MOK: variants seen among roughly 807,000 people sequenced by gnomAD.
The protein encoded by MOK is MAPK/MAK/MRK overlapping kinase.
MOK carries 59 observed loss-of-function variants against 54.2 expected under a neutral mutation model. The ratio of observed to expected loss-of-function variants is 1.09; its 90% CI spans 0.88 to 1.35. The LOEUF (loss-of-function observed/expected upper bound fraction) is 1.35. Ranked by LOEUF, MOK falls within the 40% of genes most tolerant of loss-of-function variation. MOK has a pLI of 0.00. For synonymous variants in MOK, 210 were observed against 202.7 expected (o/e 1.04, Z -0.31); for missense variants, 517 against 526.2 (o/e 0.98, Z 0.17).
chr14:102,215,288 G>GT, the MOK span, among the ~76,000 whole-genome samples: 1 of 152,200 alleles, frequency 6.6e-6, no homozygotes. Context: ...GCTGAGCTGT[G>GT]TAGAGGCTTC....
At chr14:102,304,905 C>CCA in intron 1 of MOK, 57 bp downstream of exon 1, 2 of 1,518,678 alleles carry the variant, frequency 1.3e-6, no homozygotes, top group Non-Finnish European at 1.8e-6. Flanking sequence ...TCCCCCAGTC[C>CCA]CTCCCTCCCC....
intron 7 of MOK, among the ~76,000 whole-genome samples, chr14:102,243,069 C>A (rs1168285488): frequency 2.0e-5 from 3 of 152,308 alleles, no homozygotes; most frequent in African/African-American, 7.2e-5. Flanking sequence ...AATTCTTCAT[C>A]AAAACACACA....
intron 1 of MOK, among the ~76,000 whole-genome samples, chr14:102,294,187 C>T (rs375029531): frequency 9.0e-4 from 137 of 151,456 alleles, no homozygotes; most frequent in African/African-American, 3.1e-3. Context: ...TGGCTCATGC[C>T]TGTAATCCCA....
At chr14:102,263,941 C>T (rs372665520) in intron 3 of MOK, 11 of 215,404 alleles carry the variant, frequency 5.1e-5, no homozygotes, top group East Asian at 1.4e-4. Context: ...AGAGGCCAGG[C>T]GTGGTGGCTC....
intron 3 of MOK, chr14:102,264,095 C>A (rs2067689826): frequency 6.5e-6 from 1 of 154,458 alleles, no homozygotes. Context: ...CCTGTAGTCC[C>A]AGCTGCTCGG....
chr14:102,215,636 TG>T, the MOK span, among the ~76,000 whole-genome samples: 1 of 152,172 alleles, frequency 6.6e-6, no homozygotes, highest in South Asian at 2.1e-4. Context: ...CCAGGTAGGC[TG>T]CTTTCAGTAG....
chr14:102,251,559 G>C (rs1246585575), intron 6 of MOK, 197 bp downstream of exon 6: 1 of 656,038 alleles, frequency 1.5e-6, no homozygotes. Flanking sequence ...TTTTCTTCCA[G>C]GTGCAGTCAG....
chr14:102,224,876 A>C (rs2064178805), downstream of MOK: 3 of 444,136 alleles, frequency 6.8e-6, no homozygotes, highest in Non-Finnish European at 1.3e-5. Context: ...ACACATGCAG[A>C]GTGACCTCTG....
intron 7 of MOK, among the ~76,000 whole-genome samples, chr14:102,241,326 C>T (rs2065698729): frequency 6.6e-6 from 1 of 152,182 alleles, no homozygotes; most frequent in Non-Finnish European, 1.5e-5. Flanking sequence ...CTCCACTCCC[C>T]CACCCTATAA....
At chr14:102,294,263 G>A (rs7154641) in intron 1 of MOK, among the ~76,000 whole-genome samples, 5,642 of 152,170 alleles carry the variant, frequency 0.037, 129 homozygotes, top group South Asian at 0.078. Context: ...TGGCTAACAT[G>A]GTGAAACCCC....
chr14:102,290,880 A>G (rs2070698098), intron 1 of MOK, among the ~76,000 whole-genome samples: 1 of 152,196 alleles, frequency 6.6e-6, no homozygotes, highest in Non-Finnish European at 1.5e-5. Context: ...GAGGTGGGGT[A>G]TATGAGAGGG....
downstream of MOK, among the ~76,000 whole-genome samples, chr14:102,228,487 G>A (rs1597215669): frequency 6.6e-6 from 1 of 151,982 alleles, no homozygotes; most frequent in Non-Finnish European, 1.5e-5. Context: ...ACCTGAAGTC[G>A]GGAGTTTTGA....
chr14:102,277,764 C>T (rs1237463415), intron 2 of MOK, among the ~76,000 whole-genome samples: 3 of 152,218 alleles, frequency 2.0e-5, no homozygotes, highest in East Asian at 1.9e-4. Context: ...ACAAGAAGAA[C>T]TTTCTAGGGT....
chr14:102,234,157 G>A (rs559743803), intron 7 of MOK: 5 of 208,226 alleles, frequency 2.4e-5, no homozygotes, highest in East Asian at 1.3e-4. Context: ...CCTTTCTCTC[G>A]GATGACCTAA....
chr14:102,295,912 G>T (rs572183183), intron 1 of MOK, among the ~76,000 whole-genome samples: 1 of 152,278 alleles, frequency 6.6e-6, no homozygotes, highest in South Asian at 2.1e-4. Flanking sequence ...AAGATGGGAG[G>T]ATCACTTCAG....
intron 2 of MOK, among the ~76,000 whole-genome samples, chr14:102,275,537 C>T (rs1205045164): frequency 7.2e-6 from 1 of 138,210 alleles, no homozygotes; most frequent in Non-Finnish European, 1.5e-5. Context: ...GCAGTCCAGC[C>T]TGGGTGACAG....
chr14:102,216,750 C>T, the MOK span, among the ~76,000 whole-genome samples: 1 of 152,134 alleles, frequency 6.6e-6, no homozygotes, highest in Non-Finnish European at 1.5e-5. Context: ...GCCATCATGG[C>T]AAACCCCCAT....
At chr14:102,275,218 G>T (rs1380866350) in intron 2 of MOK, among the ~76,000 whole-genome samples, 1 of 152,046 alleles carries the variant, frequency 6.6e-6, no homozygotes, top group Non-Finnish European at 1.5e-5. Context: ...ATATTCATTT[G>T]GGGGAAAAAA....
chr14:102,216,944 A>G, the MOK span, among the ~76,000 whole-genome samples: 1 of 152,120 alleles, frequency 6.6e-6, no homozygotes, highest in Non-Finnish European at 1.5e-5. Context: ...AAGAAAAAAA[A>G]TAGCCATTTC....
Sources: allele counts gnomAD v4.1 joint callset (sites outside exome capture counted in the v4.1 genomes callset), GRCh38; gene constraint gnomAD v4.1.1; transcripts MANE v1.5; gene names NCBI Gene and HGNC (gene_info 2026-07-23, HGNC 2026-07-21).